The following MMUT variants were observed in gnomAD, a reference collection of about 807,000 sequenced individuals.
MMUT encodes the protein methylmalonyl-CoA mutase, mitochondrial.
A neutral mutation model predicts 79.9 loss-of-function variants in MMUT; 79 were observed. That is an observed-to-expected ratio of 0.99 (90% CI 0.82 to 1.19). MMUT has a LOEUF of 1.19. Among genes scored for constraint, MMUT ranks in the 50% most tolerant of loss-of-function variants. MMUT has a pLI of 0.00. For missense variants in MMUT, 860 were observed against 917.2 expected, an observed-to-expected ratio of 0.94 and a Z score of 0.81; for synonymous variants, 273 against 295.7, an observed-to-expected ratio of 0.92 and a Z score of 0.79.
rs770980538 is a variant in MMUT, at chr6:49,457,910, AG to A, written c.533del (p.Pro178LeufsTer2). The A allele has an allele frequency of 6.2e-7, 1 of 1,613,884 alleles. No individual in the cohort carries two copies. The highest frequency in any genetic ancestry group is 8.5e-7 in the Non-Finnish European group (1 of 1,179,952). On this transcript the variant is annotated frameshift_variant, in exon 3 of 13. Transcript: ENST00000274813. LOFTEE classifies it high-confidence loss of function. Reference protein sequence around the residue: ...EDTKILFDGIPLEKMSVSMTM... With the variant: ...EDTKILFDGIXLEKMSVSMTM... Reference sequence around the variant, plus strand: ...TCATGGAAACTGACATTTTTTCTAAAGGAATTCCATCAAAAAGAATTTTGGT... The same window carrying A: ...TCATGGAAACTGACATTTTTTCTAAAGAATTCCATCAAAAAGAATTTTGGT...
rs1766980377 is a variant in MMUT, at chr6:49,431,665, A to ACTC, written c.*60_*62dup. ...GAAATTAAATTGAAGACATAGCTTT[A>ACTC]CTCTCTTCTTTGATCATAACTAAAA... On this transcript the variant is annotated 3_prime_UTR_variant, in exon 13 of 13. Transcript: ENST00000274813. The ACTC allele has an allele frequency of 6.5e-7, 1 of 1,530,556 alleles. No individual in the cohort carries two copies. Among genetic ancestry groups the ACTC allele is most frequent in the Non-Finnish European group, 9.0e-7 (1 of 1,108,266 alleles). The allele number at this position is 1,530,556 out of a possible 1,614,324, so 94.8% of individuals were successfully genotyped here.
At chr6:49,442,038 T>G (rs1457982256) in intron 9 of MMUT, 67 bp from the exon 10 acceptor site, 2 of 1,470,838 alleles carry the variant, frequency 1.4e-6, no homozygotes, top group Admixed American at 3.4e-5. Context: ...TTTACCATAA[T>G]ATTCAATATA....
chr6:49,451,968 ATACT>A (rs1386324864), intron 5 of MMUT, among the ~76,000 whole-genome samples: 2 of 152,198 alleles, frequency 1.3e-5, no homozygotes, highest in South Asian at 2.1e-4. Flanking sequence ...TATTGCCTAA[ATACT>A]TTTCTATAAG....
chr6:49,445,131 A>C (rs906887772), intron 8 of MMUT, among the ~76,000 whole-genome samples: 2 of 152,146 alleles, frequency 1.3e-5, no homozygotes, highest in South Asian at 4.1e-4. Context: ...AATAGTGACA[A>C]GAAAAAAAAT....
intron 4 of MMUT, 115 bp downstream of exon 4, chr6:49,455,965 T>G: frequency 1.1e-6 from 1 of 944,488 alleles, no homozygotes; most frequent in South Asian, 1.7e-5. Context: ...AGATAAAATA[T>G]AAGAAAATCT....
At chr6:49,439,034 G>T (rs1767204533) in intron 11 of MMUT, among the ~76,000 whole-genome samples, 1 of 152,074 alleles carries the variant, frequency 6.6e-6, no homozygotes, top group Admixed American at 6.5e-5. Flanking sequence ...CTGAGGGAGA[G>T]AAGGCAGGGT....
chr6:49,433,620 G>C (rs778395118), intron 12 of MMUT, among the ~76,000 whole-genome samples: 6 of 152,178 alleles, frequency 3.9e-5, no homozygotes, highest in Non-Finnish European at 8.8e-5. Context: ...CTGCTGCTAA[G>C]AGAGTTAGAA....
intron 8 of MMUT, among the ~76,000 whole-genome samples, chr6:49,446,836 C>T (rs1767421294): frequency 6.6e-6 from 1 of 150,648 alleles, no homozygotes; most frequent in Admixed American, 6.6e-5. Flanking sequence ...AAGGGTTTTC[C>T]AAAAATAAAT....
In MMUT at chr6:49,431,610, A is replaced by C. The variant is rs1766979322; in HGVS notation, c.*118T>G. The C allele has an allele frequency of 9.1e-7, 1 of 1,102,496 alleles. No individual in the cohort carries two copies. Among genetic ancestry groups the C allele is most frequent in the East Asian group, 2.5e-5 (1 of 40,578 alleles). The allele number at this position is 1,102,496 out of a possible 1,614,324, so 68.3% of individuals were successfully genotyped here. A position where few individuals can be genotyped will look rare whatever the true frequency, so the allele number is the denominator to read the frequency against. On this transcript the variant is annotated 3_prime_UTR_variant, in exon 13 of 13. Transcript: ENST00000274813. Reference sequence around the variant, plus strand: ...CTATAAGTAAGGTATTTTAAAGTAAAGCTTTCAAGGAAAGTACAAATCAGG... The same window carrying C: ...CTATAAGTAAGGTATTTTAAAGTAACGCTTTCAAGGAAAGTACAAATCAGG...
chr6:49,457,069 G>A (rs1166958380), intron 3 of MMUT, among the ~76,000 whole-genome samples: 1 of 152,240 alleles, frequency 6.6e-6, no homozygotes, highest in Non-Finnish European at 1.5e-5. Flanking sequence ...GGTTGATGAC[G>A]ATTTTCTCTG....
chr6:49,454,076 C>T (rs989300679), intron 4 of MMUT, among the ~76,000 whole-genome samples: 13 of 152,074 alleles, frequency 8.5e-5, no homozygotes, highest in African/African-American at 2.9e-4. Flanking sequence ...TTTAGGAATA[C>T]TCAATATGTA....
At chr6:49,449,522 G>C (rs1247924228) in intron 6 of MMUT, among the ~76,000 whole-genome samples, 1 of 152,114 alleles carries the variant, frequency 6.6e-6, no homozygotes, top group East Asian at 1.9e-4. Context: ...TTGAGAGTCT[G>C]CAACCACCCC....
chr6:49,437,770 T>G (rs975423046), intron 11 of MMUT, among the ~76,000 whole-genome samples: 2 of 152,030 alleles, frequency 1.3e-5, no homozygotes, highest in Non-Finnish European at 2.9e-5. Context: ...TCATTGTTTT[T>G]CTTCACCGTA....
Position 49,456,149 on chromosome 6 carries a change from A to G in MMUT, c.842T>C (p.Leu281Ser), listed in dbSNP as rs796052007. Residue 281 changes from leucine to serine, a missense_variant, in exon 4 of 13, where the codon TTA becomes TCA. Leu to Ser is a moderately radical substitution (Grantham distance 145). Transcript: ENST00000274813. ...ADAILELAYT[L>S]ADGLEYSRTG... The stretch of plus-strand genomic sequence containing the variant: ...TCTAGAGTACTCCAATCCATCTGCT[A>G]AAGTATAGGCCAGCTCCAGAATGGC... 1.2e-6 allele frequency: 2 copies of G among 1,612,472 alleles called. No homozygotes were observed. The highest frequency in any genetic ancestry group is 1.7e-5 in the Admixed American group (1 of 60,006).
intron 6 of MMUT, 107 bp downstream of exon 6, chr6:49,451,359 A>G (rs536631876): frequency 7.8e-7 from 1 of 1,283,076 alleles, no homozygotes; most frequent in East Asian, 2.5e-5. Flanking sequence ...AAGTGATTTG[A>G]TTTATAAATT....
chr6:49,439,371 G>C (rs1175234684), intron 11 of MMUT, among the ~76,000 whole-genome samples: 1 of 152,144 alleles, frequency 6.6e-6, no homozygotes, highest in Non-Finnish European at 1.5e-5. Context: ...GGCCTCTGCT[G>C]TGACTCACCT....
intron 12 of MMUT, among the ~76,000 whole-genome samples, chr6:49,432,191 T>C (rs1766996551): frequency 1.3e-5 from 2 of 152,184 alleles, no homozygotes; most frequent in African/African-American, 4.8e-5. Flanking sequence ...CTAGTTGTCA[T>C]TATGTGTGTT....
Position 49,447,270 on chromosome 6 carries a change from A to C in MMUT, c.1560+400T>G, listed in dbSNP as rs1027860215. On this transcript the variant is annotated intron_variant, in intron 8 of 12. Coordinates refer to ENST00000274813, the MANE Select transcript of MMUT (RefSeq NM_000255.4). The stretch of plus-strand genomic sequence containing the variant: ...TTCTGGTGAAAGAAATTACAATAAG[A>C]AGCCCTGGGTTCAAATAATAACTCT... Among the ~76,000 whole-genome samples, 4 of 152,024 alleles carry C rather than the reference A, an allele frequency of 2.6e-5. No individual in the cohort carries two copies. In the South Asian group the frequency reaches 6.2e-4, roughly 24 times the overall value.
intron 3 of MMUT, 42 bp downstream of exon 3, chr6:49,457,649 T>C (rs773070722): frequency 1.3e-6 from 2 of 1,546,694 alleles, no homozygotes; most frequent in East Asian, 4.5e-5. Context: ...ATTCCTACAT[T>C]CAAGGAACTA....
Sources: allele counts gnomAD v4.1 joint callset (sites outside exome capture counted in the v4.1 genomes callset), GRCh38; gene constraint gnomAD v4.1.1; transcripts MANE v1.5; gene names NCBI Gene and HGNC (gene_info 2026-07-23, HGNC 2026-07-21).